TAF2: variants seen among roughly 807,000 people sequenced by gnomAD.
TAF2 encodes TATA-box binding protein associated factor 2.
In TAF2, 61 loss-of-function variants were observed where a neutral mutation model predicts 138.5. That is an observed-to-expected ratio of 0.44 (90% CI 0.36 to 0.54). The LOEUF is 0.54. Among genes scored for constraint, TAF2 ranks in the 20% least tolerant of loss-of-function variants. TAF2 has a pLI of 0.00. For synonymous variants in TAF2, 475 were observed against 469.9 expected, an observed-to-expected ratio of 1.01 and a Z score of -0.14; for missense variants, 1,090 against 1,427.9, an observed-to-expected ratio of 0.76 and a Z score of 3.81.
intron 6 of TAF2, among the ~76,000 whole-genome samples, chr8:119,800,313 C>T (rs199507603): frequency 1.3e-5 from 2 of 152,158 alleles, no homozygotes; most frequent in East Asian, 1.9e-4. Flanking sequence ...CTTGAATTAA[C>T]TTTTGTATAA....
At chr8:119,761,070 A>G (rs1821032288) in intron 19 of TAF2, among the ~76,000 whole-genome samples, 1 of 152,108 alleles carries the variant, frequency 6.6e-6, no homozygotes, top group African/African-American at 2.4e-5. Flanking sequence ...TTCACTCACT[A>G]CTCACTCACT....
intron 6 of TAF2, among the ~76,000 whole-genome samples, chr8:119,799,988 T>C (rs1824133013): frequency 6.6e-6 from 1 of 152,208 alleles, no homozygotes. Flanking sequence ...CGCCCATTTT[T>C]TGATGGGGTT....
At chr8:119,819,977 C>CA (rs1269746251) in intron 2 of TAF2, among the ~76,000 whole-genome samples, 4 of 152,068 alleles carry the variant, frequency 2.6e-5, no homozygotes, top group Non-Finnish European at 5.9e-5. Context: ...GGTAAAACAG[C>CA]AAGAGCTACA....
At position 119,814,502 on chromosome 8, in the gene TAF2, T is replaced by C. The variant is rs149734274; in HGVS notation, c.299+4844A>G. Among the ~76,000 whole-genome samples the C allele has an allele frequency of 3.4e-3, 512 of 152,142 alleles. 1 individual carries two copies. The highest frequency in any genetic ancestry group is 0.012 in the African/African-American group (487 of 41,530). On this transcript the variant is annotated intron_variant, in intron 3 of 25. Transcript: ENST00000378164. ...TATAACTGGATAACTACTTCATTTA[T>C]ATACTAAAATAGATAATTTCATTTC...
intron 22 of TAF2, 87 bp downstream of exon 22, chr8:119,755,919 G>C: frequency 1.8e-6 from 2 of 1,085,662 alleles, no homozygotes; most frequent in South Asian, 2.7e-5. Context: ...TTTACCTTTA[G>C]TTCTAAATGC....
intron 18 of TAF2, chr8:119,762,840 T>C: frequency 2.7e-6 from 1 of 364,696 alleles, no homozygotes; most frequent in Non-Finnish European, 4.9e-6. Flanking sequence ...TGATAGAAAA[T>C]AGGAGGAAAG....
chr8:119,783,516 A>T lies in TAF2; in HGVS notation c.1977T>A (p.Val659=). ...WQYQLRYERD[V]VAQQESILAL... ...CCAAAATGGATTCCTGCTGTGCAAC[A>T]ACATCTCTCTCATAGCGGAGCTGAT... The change falls in exon 16 of 26, where the codon GTT becomes GTA. Residue 659 remains valine, a synonymous_variant. Transcript: ENST00000378164. 1 of 1,614,186 alleles carries T rather than the reference A, an allele frequency of 6.2e-7. No individual in the cohort carries two copies.
intron 3 of TAF2, among the ~76,000 whole-genome samples, chr8:119,817,432 A>G (rs1160863065): frequency 1.3e-5 from 2 of 152,180 alleles, no homozygotes; most frequent in African/African-American, 4.8e-5. Flanking sequence ...ATGCCTGATG[A>G]TCTGAGGTGG....
intron 18 of TAF2, among the ~76,000 whole-genome samples, chr8:119,773,517 CAAT>C (rs1243441524): frequency 2.9e-4 from 44 of 151,538 alleles, no homozygotes; most frequent in African/African-American, 1.0e-3. Context: ...ATAATTTATA[CAAT>C]AATAGAAACT....
intron 24 of TAF2, 145 bp downstream of exon 24, chr8:119,744,143 G>A (rs1819787002): frequency 2.4e-6 from 2 of 825,830 alleles, no homozygotes; most frequent in African/African-American, 1.7e-5. Flanking sequence ...GCCAATTTAT[G>A]TTATAATCTG....
chr8:119,739,475 C>T (rs1003674166), intron 25 of TAF2, among the ~76,000 whole-genome samples: 3 of 152,022 alleles, frequency 2.0e-5, no homozygotes, highest in Non-Finnish European at 4.4e-5. Flanking sequence ...AAATATTCTA[C>T]TATCAAATGC....
At chr8:119,828,967 GT>G (rs1427615948) in intron 2 of TAF2, among the ~76,000 whole-genome samples, 1 of 152,182 alleles carries the variant, frequency 6.6e-6, no homozygotes, top group Non-Finnish European at 1.5e-5. Flanking sequence ...CTGTGTTCAA[GT>G]AACATTTCAC....
intron 10 of TAF2, 73 bp downstream of exon 10, chr8:119,793,293 A>G: frequency 7.8e-7 from 1 of 1,279,330 alleles, no homozygotes; most frequent in Non-Finnish European, 1.1e-6. Context: ...ATGAAATACT[A>G]TTTAGCTCTT....
chr8:119,813,709 G>T (rs879926604), intron 3 of TAF2, among the ~76,000 whole-genome samples: 2 of 152,224 alleles, frequency 1.3e-5, no homozygotes, highest in Non-Finnish European at 2.9e-5. Flanking sequence ...AAACTTAGGG[G>T]AAAGGTATGT....
At chr8:119,831,623 G>C in intron 2 of TAF2, 54 bp downstream of exon 2, 1 of 1,343,864 alleles carries the variant, frequency 7.4e-7, no homozygotes, top group South Asian at 1.2e-5. Flanking sequence ...GGGGTGGATT[G>C]TTACTCTTTA....
intron 4 of TAF2, among the ~76,000 whole-genome samples, chr8:119,805,504 G>C (rs558923282): frequency 4.6e-5 from 7 of 152,134 alleles, no homozygotes; most frequent in Non-Finnish European, 8.8e-5. Context: ...TCAGGAGTTC[G>C]AGAGCAGCCT....
intron 18 of TAF2, among the ~76,000 whole-genome samples, chr8:119,763,973 AC>A (rs1821249133): frequency 1.3e-5 from 2 of 151,872 alleles, no homozygotes; most frequent in South Asian, 4.2e-4. Context: ...ACATGGTGAA[AC>A]CCTGTCTCTA....
At chr8:119,807,575 C>A (rs1824749038) in intron 3 of TAF2, among the ~76,000 whole-genome samples, 1 of 152,206 alleles carries the variant, frequency 6.6e-6, no homozygotes, top group African/African-American at 2.4e-5. Context: ...TTAGGTGTAG[C>A]CACAAGGTGA....
intron 2 of TAF2, among the ~76,000 whole-genome samples, chr8:119,820,222 T>C (rs887120263): frequency 6.6e-6 from 1 of 152,170 alleles, no homozygotes; most frequent in African/African-American, 2.4e-5. Flanking sequence ...ACACAGAATA[T>C]ATGTTAATTG....
Sources: allele counts gnomAD v4.1 joint callset (sites outside exome capture counted in the v4.1 genomes callset), GRCh38; gene constraint gnomAD v4.1.1; transcripts MANE v1.5; gene names NCBI Gene and HGNC (gene_info 2026-07-23, HGNC 2026-07-21).